SIPA1L2: variants seen among roughly 807,000 people sequenced by gnomAD.
The protein encoded by SIPA1L2 is signal-induced proliferation-associated 1-like protein 2.
A neutral mutation model predicts 163.9 loss-of-function variants in SIPA1L2; 56 were observed. The observed-to-expected ratio is 0.34, with a 90% CI of 0.28 to 0.43. The LOEUF (loss-of-function observed/expected upper bound fraction) is 0.43. SIPA1L2 is among the 20% of genes least tolerant of loss of function. SIPA1L2 has a pLI of 1.00. For missense variants in SIPA1L2, 1,974 were observed against 2,193.5 expected (o/e 0.90, Z 2.00); for synonymous variants, 877 against 865.7 (o/e 1.01, Z -0.23).
At chr1:232,414,806 C>T (rs1000271414) in intron 19 of SIPA1L2, among the ~76,000 whole-genome samples, 8 of 152,184 alleles carry the variant, frequency 5.3e-5, no homozygotes, top group African/African-American at 1.2e-4. Flanking sequence ...ACAGTATCAC[C>T]GTGAGGTCCT....
chr1:232,401,739 C>A (rs1037581583), intron 22 of SIPA1L2, among the ~76,000 whole-genome samples: 1 of 152,188 alleles, frequency 6.6e-6, no homozygotes, highest in Admixed American at 6.5e-5. Flanking sequence ...CTTTCCTCAG[C>A]ATTCTCACCA....
intron 3 of SIPA1L2, among the ~76,000 whole-genome samples, chr1:232,495,044 AT>A (rs1161371692): frequency 6.6e-6 from 1 of 152,244 alleles, no homozygotes; most frequent in Non-Finnish European, 1.5e-5. Context: ...TTCTGAAGGA[AT>A]AAGAAACGTT....
intron 1 of SIPA1L2, among the ~76,000 whole-genome samples, chr1:232,583,012 TC>T (rs1440072026): frequency 6.6e-6 from 1 of 152,208 alleles, no homozygotes; most frequent in African/African-American, 2.4e-5. Context: ...AAATTTCTAG[TC>T]AAGGCAACCA....
In SIPA1L2 at chr1:232,616,994, C is replaced by T. The variant is rs541272741; in HGVS notation, c.-319+12875G>A. 1.6e-4 allele frequency among the ~76,000 whole-genome samples: 25 copies of T among 152,104 alleles called. 1 individual carries two copies. The highest frequency in any genetic ancestry group is 3.7e-4 in the Non-Finnish European group (25 of 68,016). On this transcript the variant is annotated intron_variant, in intron 1 of 22. Transcript: ENST00000674635. ...TTTTTCAGGGCTAATTGATTAGTCT[C>T]CTTCACATATTATCATAAAACTGAA...
intron 8 of SIPA1L2, among the ~76,000 whole-genome samples, chr1:232,469,407 T>C: frequency 6.6e-6 from 1 of 152,218 alleles, no homozygotes; most frequent in South Asian, 2.1e-4. Flanking sequence ...AATGTGGGCA[T>C]GCCAACCTTA....
intron 22 of SIPA1L2, among the ~76,000 whole-genome samples, chr1:232,401,300 C>G (rs961654002): frequency 1.3e-5 from 2 of 152,180 alleles, no homozygotes; most frequent in African/African-American, 4.8e-5. Flanking sequence ...CAAACTGGGA[C>G]AGCTGGTCAC....
chr1:232,620,650 C>A (rs903049646), intron 1 of SIPA1L2, among the ~76,000 whole-genome samples: 3 of 152,190 alleles, frequency 2.0e-5, no homozygotes, highest in African/African-American at 7.2e-5. Flanking sequence ...GATTTAACTG[C>A]CCTAAAATTA....
intron 2 of SIPA1L2, among the ~76,000 whole-genome samples, chr1:232,571,569 G>T (rs981414675): frequency 6.6e-6 from 1 of 152,192 alleles, no homozygotes; most frequent in African/African-American, 2.4e-5. Flanking sequence ...ACATGATATG[G>T]CTTGGGTATT....
intron 1 of SIPA1L2, among the ~76,000 whole-genome samples, chr1:232,600,489 G>C (rs1444538869): frequency 1.3e-5 from 2 of 152,200 alleles, no homozygotes; most frequent in Non-Finnish European, 2.9e-5. Flanking sequence ...TTATGAGTGT[G>C]AAGGGATGAG....
chr1:232,402,452 C>T lies in SIPA1L2; in HGVS notation c.4962G>A (p.Leu1654=). Residue 1654 remains leucine, a synonymous_variant, in exon 22 of 23, where the codon CTG becomes CTA. Coordinates refer to ENST00000674635, the MANE Select transcript of SIPA1L2 (RefSeq NM_020808.5). ...DTTGERSPSP[L]TGKVNQLELI... Reference sequence around the variant, plus strand: ...ATTCCAGCTGATTGACTTTCCCGGTCAGTGGTGATGGAGAACGCTCCCTAG... The same window carrying T: ...ATTCCAGCTGATTGACTTTCCCGGTTAGTGGTGATGGAGAACGCTCCCTAG... The T allele has an allele frequency of 6.2e-7, 1 of 1,613,482 alleles. No individual in the cohort carries two copies. The highest frequency in any genetic ancestry group is 8.5e-7 in the Non-Finnish European group (1 of 1,179,566).
chr1:232,480,317 T>C (rs1237922472), intron 6 of SIPA1L2, among the ~76,000 whole-genome samples: 5 of 152,274 alleles, frequency 3.3e-5, no homozygotes, highest in African/African-American at 1.2e-4. Context: ...TTTCCCTGAA[T>C]GTAATTAATT....
intron 2 of SIPA1L2, among the ~76,000 whole-genome samples, chr1:232,539,952 GC>G (rs1657542569): frequency 2.0e-5 from 3 of 152,322 alleles, no homozygotes; most frequent in African/African-American, 7.2e-5. Flanking sequence ...GCTGCATGGT[GC>G]CCAATGCGAA....
chr1:232,575,431 C>T (rs1660028711), intron 1 of SIPA1L2, among the ~76,000 whole-genome samples: 1 of 152,134 alleles, frequency 6.6e-6, no homozygotes, highest in South Asian at 2.1e-4. Flanking sequence ...TTCAATCTGT[C>T]TCCATTTTTA....
At chr1:232,596,175 A>G (rs1022708169) in intron 1 of SIPA1L2, among the ~76,000 whole-genome samples, 4 of 152,236 alleles carry the variant, frequency 2.6e-5, no homozygotes, top group African/African-American at 9.6e-5. Flanking sequence ...TCAAAGGGCT[A>G]GTCTTGAAGT....
intron 1 of SIPA1L2, among the ~76,000 whole-genome samples, chr1:232,627,004 A>G (rs996694798): frequency 1.4e-4 from 21 of 152,244 alleles, no homozygotes; most frequent in Non-Finnish European, 1.5e-5. Flanking sequence ...ATGGTTCACT[A>G]TTCTCTAGGA....
intron 2 of SIPA1L2, among the ~76,000 whole-genome samples, chr1:232,527,032 A>G (rs185242441): frequency 6.6e-6 from 1 of 152,320 alleles, no homozygotes; most frequent in East Asian, 1.9e-4. Flanking sequence ...ACTGTCACCA[A>G]AATAAAGCAA....
intron 2 of SIPA1L2, among the ~76,000 whole-genome samples, chr1:232,543,476 CT>C (rs2103114577): frequency 4.7e-4 from 1 of 2,150 alleles, no homozygotes; most frequent in South Asian, 0.014. Flanking sequence ...ATGTGAAGAC[CT>C]TTCTTTATAG....
In SIPA1L2 at chr1:232,629,926, C is replaced by T. The variant is rs917500287; in HGVS notation, c.-376G>A. On this transcript the variant is annotated 5_prime_UTR_variant, in exon 1 of 23. Transcript: ENST00000674635. ...GCCTGTGCGCGCCGGGCGGCGCGTA[C>T]CCGGGCTGCCGCCTCGCCGCCCGCC... Among the ~76,000 whole-genome samples, 2 of 150,842 alleles carry T rather than the reference C, an allele frequency of 1.3e-5. No individual in the cohort carries two copies. The highest frequency in any genetic ancestry group is 2.4e-5 in the African/African-American group (1 of 41,306).
intron 1 of SIPA1L2, among the ~76,000 whole-genome samples, chr1:232,615,771 G>A (rs981523260): frequency 6.6e-6 from 1 of 152,034 alleles, no homozygotes; most frequent in African/African-American, 2.4e-5. Flanking sequence ...TTCCAATGAG[G>A]GGGGGCAGGG....
Sources: gnomAD v4.1 joint callset for allele counts (sites outside exome capture counted in the v4.1 genomes callset) on GRCh38, gnomAD v4.1.1 for gene constraint, MANE v1.5 for transcripts, NCBI Gene and HGNC (gene_info 2026-07-23, HGNC 2026-07-21) for gene names.